SRD5A2: variants seen among roughly 807,000 people sequenced by gnomAD.
The protein encoded by SRD5A2 is 3-oxo-5-alpha-steroid 4-dehydrogenase 2.
SRD5A2 carries 30 observed loss-of-function variants against 27.4 expected under a neutral mutation model. That is an observed-to-expected ratio of 1.10 (90% confidence interval 0.82 to 1.49). The LOEUF is 1.49. Among genes scored for constraint, SRD5A2 ranks in the 40% most tolerant of loss-of-function variants. SRD5A2 has a pLI of 0.00. For synonymous variants in SRD5A2, 141 were observed against 133.6 expected (o/e 1.06, Z -0.38); for missense variants, 348 against 323.4 (o/e 1.08, Z -0.58).
the SRD5A2 span, among the ~76,000 whole-genome samples, chr2:31,622,636 A>G: frequency 6.6e-6 from 1 of 152,082 alleles, no homozygotes; most frequent in Non-Finnish European, 1.5e-5. Context: ...GCATCTCATC[A>G]ATTTGCTGAG....
chr2:31,588,655 T>A, the SRD5A2 span, among the ~76,000 whole-genome samples: 2 of 152,148 alleles, frequency 1.3e-5, no homozygotes, highest in Non-Finnish European at 2.9e-5. Flanking sequence ...GAAAAGGACA[T>A]TAATGAGCAG....
At chr2:31,595,987 T>C in the SRD5A2 span, among the ~76,000 whole-genome samples, 3 of 152,108 alleles carry the variant, frequency 2.0e-5, no homozygotes, top group Admixed American at 6.5e-5. Context: ...AGAAAAAGCA[T>C]TTGACAAAAC....
the SRD5A2 span, among the ~76,000 whole-genome samples, chr2:31,626,876 A>G: frequency 6.6e-6 from 1 of 152,178 alleles, no homozygotes; most frequent in African/African-American, 2.4e-5. Context: ...GCCTCATAAA[A>G]TGAGTTAGGG....
At chr2:31,540,309 A>G (rs531319841) in intron 1 of SRD5A2, among the ~76,000 whole-genome samples, 82 of 152,272 alleles carry the variant, frequency 5.4e-4, no homozygotes, top group Non-Finnish European at 2.8e-4. Flanking sequence ...CAAAAAATAA[A>G]ATTTCAGACT....
At chr2:31,654,055 G>A in the SRD5A2 span, among the ~76,000 whole-genome samples, 2 of 151,400 alleles carry the variant, frequency 1.3e-5, no homozygotes, top group Non-Finnish European at 1.5e-5. Context: ...ATAAACTAGT[G>A]TGAGAAAGAA....
chr2:31,610,326 C>G, the SRD5A2 span, among the ~76,000 whole-genome samples: 2 of 152,082 alleles, frequency 1.3e-5, no homozygotes, highest in South Asian at 4.1e-4. Context: ...ACATCATTTA[C>G]CATTATCAAG....
At chr2:31,605,136 T>C in the SRD5A2 span, among the ~76,000 whole-genome samples, 1 of 151,940 alleles carries the variant, frequency 6.6e-6, no homozygotes, top group Admixed American at 6.6e-5. Flanking sequence ...TCTCTCACCT[T>C]GTACAAAAAT....
chr2:31,558,274 T>G (rs919526039), intron 1 of SRD5A2, among the ~76,000 whole-genome samples: 6 of 152,218 alleles, frequency 3.9e-5, no homozygotes, highest in African/African-American at 1.4e-4. Flanking sequence ...TCCCTTGACC[T>G]GTCCTGCTCT....
chr2:31,627,709 C>G, the SRD5A2 span, among the ~76,000 whole-genome samples: 1 of 152,022 alleles, frequency 6.6e-6, no homozygotes, highest in Admixed American at 6.6e-5. Flanking sequence ...TGAATCCTGC[C>G]TTAATTTCAT....
chr2:31,648,120 G>A, the SRD5A2 span, among the ~76,000 whole-genome samples: 1 of 152,176 alleles, frequency 6.6e-6, no homozygotes, highest in Non-Finnish European at 1.5e-5. Flanking sequence ...GATTCACTGT[G>A]AGGCTAGTGT....
chr2:31,640,199 A>T, the SRD5A2 span, among the ~76,000 whole-genome samples: 160 of 149,402 alleles, frequency 1.1e-3, 1 homozygote, highest in African/African-American at 3.6e-3. Context: ...TTTTTTTTTT[A>T]ATTTTAATCT....
chr2:31,609,181 T>C, the SRD5A2 span, among the ~76,000 whole-genome samples: 1 of 152,134 alleles, frequency 6.6e-6, no homozygotes, highest in Non-Finnish European at 1.5e-5. Context: ...CAGTCTATGA[T>C]ATTTGGTTAC....
the SRD5A2 span, among the ~76,000 whole-genome samples, chr2:31,657,776 A>T: frequency 6.6e-6 from 1 of 152,190 alleles, no homozygotes; most frequent in Non-Finnish European, 1.5e-5. Context: ...AGGAAAAATA[A>T]AGGATCAAAT....
chr2:31,599,880 C>T, the SRD5A2 span, among the ~76,000 whole-genome samples: 4 of 151,748 alleles, frequency 2.6e-5, no homozygotes, highest in South Asian at 2.1e-4. Flanking sequence ...AGGTTTGTTA[C>T]GTAGGTAAAC....
chr2:31,592,519 T>C, the SRD5A2 span, among the ~76,000 whole-genome samples: 1 of 152,116 alleles, frequency 6.6e-6, no homozygotes, highest in Non-Finnish European at 1.5e-5. Flanking sequence ...CTGGATCACA[T>C]CACAGGACTC....
At chr2:31,555,863 G>A (rs139248313) in intron 1 of SRD5A2, among the ~76,000 whole-genome samples, 18 of 152,230 alleles carry the variant, frequency 1.2e-4, no homozygotes, top group South Asian at 2.1e-4. Flanking sequence ...CTAGCTACTC[G>A]GGAGGGTAAA....
chr2:31,661,474 C>T, the SRD5A2 span, among the ~76,000 whole-genome samples: 2 of 152,146 alleles, frequency 1.3e-5, no homozygotes, highest in African/African-American at 4.8e-5. Context: ...CAAGGAGACA[C>T]TCTATCTTCC....
chr2:31,591,023 T>C, the SRD5A2 span, among the ~76,000 whole-genome samples: 6 of 152,318 alleles, frequency 3.9e-5, no homozygotes, highest in South Asian at 1.0e-3. Context: ...GACATAGGCA[T>C]GGGCAAGGAC....
the SRD5A2 span, among the ~76,000 whole-genome samples, chr2:31,662,401 T>TTTGACCTCCCAGGC: frequency 3.3e-5 from 5 of 151,972 alleles, no homozygotes; most frequent in African/African-American, 1.2e-4. Flanking sequence ...TCACTGCAGA[T>TTTGACCTCCCAGGC]TTGACCTCCC....
Sources: allele counts gnomAD v4.1 joint callset (sites outside exome capture counted in the v4.1 genomes callset), GRCh38; gene constraint gnomAD v4.1.1; transcripts MANE v1.5; gene names NCBI Gene and HGNC (gene_info 2026-07-23, HGNC 2026-07-21).